Variants in SQOR observed in about 807,000 individuals in gnomAD.
The protein encoded by SQOR is sulfide quinone oxidoreductase.
Under a neutral mutation model 48.6 loss-of-function variants are expected in SQOR, and 39 were observed. The ratio of observed to expected loss-of-function variants is 0.80; its 90% confidence interval spans 0.62 to 1.05. The LOEUF is 1.05. SQOR is among the 50% of genes least tolerant of loss of function. The pLI is 0.00. For synonymous variants in SQOR, 220 were observed against 206.2 expected (o/e 1.07, Z -0.57); for missense variants, 561 against 559.9 (o/e 1.00, Z -0.02).
At chr15:45,677,147 T>C (rs1205692518) in intron 6 of SQOR, among the ~76,000 whole-genome samples, 1 of 152,196 alleles carries the variant, frequency 6.6e-6, no homozygotes, top group Non-Finnish European at 1.5e-5. Context: ...TGTAGAATTT[T>C]ACCATTTGCT....
intron 1 of SQOR, among the ~76,000 whole-genome samples, chr15:45,640,096 G>C (rs1895077619): frequency 6.6e-6 from 1 of 152,162 alleles, no homozygotes; most frequent in African/African-American, 2.4e-5. Context: ...CAAATGATTT[G>C]GGGACTTGCG....
chr15:45,662,696 C>A (rs1375103133), intron 3 of SQOR, among the ~76,000 whole-genome samples: 2 of 152,190 alleles, frequency 1.3e-5, no homozygotes, highest in African/African-American at 4.8e-5. Flanking sequence ...GGGGTCAAAG[C>A]TTTTCAGCAG....
intron 4 of SQOR, among the ~76,000 whole-genome samples, 158 bp downstream of exon 4, chr15:45,670,139 A>G (rs1352786763): frequency 6.6e-6 from 1 of 152,240 alleles, no homozygotes; most frequent in Non-Finnish European, 1.5e-5. Flanking sequence ...GTTTTAAGGA[A>G]GTCTTCTCTA....
intron 3 of SQOR, among the ~76,000 whole-genome samples, chr15:45,669,576 C>T (rs1404640047): frequency 6.6e-6 from 1 of 152,192 alleles, no homozygotes. Flanking sequence ...TGTGGCCTCT[C>T]ACTGTGTAAA....
At chr15:45,662,636 G>A (rs1489604792) in intron 3 of SQOR, among the ~76,000 whole-genome samples, 3 of 152,190 alleles carry the variant, frequency 2.0e-5, no homozygotes, top group African/African-American at 7.2e-5. Flanking sequence ...TGGAGCTTGA[G>A]GCTCACAACT....
At chr15:45,642,213 T>C (rs188856645) in intron 1 of SQOR, among the ~76,000 whole-genome samples, 1 of 152,300 alleles carries the variant, frequency 6.6e-6, no homozygotes, top group Non-Finnish European at 1.5e-5. Context: ...CCATTAGCAG[T>C]AACCACAGGC....
At chr15:45,669,655 G>T (rs1889903140) in intron 3 of SQOR, among the ~76,000 whole-genome samples, 1 of 152,192 alleles carries the variant, frequency 6.6e-6, no homozygotes, top group South Asian at 2.1e-4. Context: ...TGAGGTGTGA[G>T]GCATAGACGG....
chr15:45,688,656 C>A (rs1890266390), intron 8 of SQOR, among the ~76,000 whole-genome samples: 1 of 152,110 alleles, frequency 6.6e-6, no homozygotes, highest in African/African-American at 2.4e-5. Flanking sequence ...GAATTACAGG[C>A]ATGTGCCACC....
Position 45,682,628 on chromosome 15 carries a change from A to C in SQOR, c.1015A>C (p.Asn339His). Reference protein sequence around the residue: ...PNVFGIGDCTNLPTSKTAAAV... With the variant: ...PNVFGIGDCTHLPTSKTAAAV... ...TGTGTTTGGGATTGGGGACTGCACC[A>C]ACCTTCCTACGTCAAAGACCGCTGC... Residue 339 changes from asparagine (N) to histidine (H), a missense_variant, in exon 7 of 10, where the codon AAC becomes CAC. Physicochemically the swap from Asn to His is moderately conservative, Grantham distance 68. Transcript: ENST00000260324. The C allele has an allele frequency of 6.2e-7, 1 of 1,614,140 alleles. No homozygotes were observed. The highest frequency in any genetic ancestry group is 8.5e-7 in the Non-Finnish European group (1 of 1,179,988).
chr15:45,674,989 T>C (rs1890011414), intron 5 of SQOR, among the ~76,000 whole-genome samples: 1 of 152,190 alleles, frequency 6.6e-6, no homozygotes, highest in African/African-American at 2.4e-5. Flanking sequence ...CTGAGCTCTG[T>C]AAACTGCAAC....
At chr15:45,645,755 T>C (rs971190271) in intron 1 of SQOR, 1 of 152,234 alleles carries the variant, frequency 6.6e-6, no homozygotes, top group African/African-American at 2.4e-5. Flanking sequence ...TCTATAATCT[T>C]GTGAGCCAGT....
At chr15:45,644,434 G>A (rs55913172) in intron 1 of SQOR, among the ~76,000 whole-genome samples, 1 of 152,076 alleles carries the variant, frequency 6.6e-6, no homozygotes, top group South Asian at 2.1e-4. Flanking sequence ...AGAAGAAGCC[G>A]AGCAAAAATG....
chr15:45,648,837 T>G (rs950079302), intron 1 of SQOR, among the ~76,000 whole-genome samples: 1 of 152,230 alleles, frequency 6.6e-6, no homozygotes, highest in Non-Finnish European at 1.5e-5. Context: ...GTTTTCCTCT[T>G]TGATTTTGGA....
intron 1 of SQOR, among the ~76,000 whole-genome samples, chr15:45,636,409 T>C (rs1479770029): frequency 6.0e-5 from 9 of 149,168 alleles, no homozygotes; most frequent in Non-Finnish European, 1.2e-4. Flanking sequence ...CTTTCTTCTT[T>C]TTTTTTTTTT....
chr15:45,640,464 G>T (rs1266545672), intron 1 of SQOR, among the ~76,000 whole-genome samples: 1 of 152,250 alleles, frequency 6.6e-6, no homozygotes, highest in South Asian at 2.1e-4. Flanking sequence ...CACCAGGAAC[G>T]GGTCATTGTC....
At chr15:45,675,480 C>T (rs1432580730) in intron 5 of SQOR, among the ~76,000 whole-genome samples, 2 of 151,948 alleles carry the variant, frequency 1.3e-5, no homozygotes, top group African/African-American at 2.4e-5. Flanking sequence ...CTGCAAACTC[C>T]GCTTCCTGGG....
upstream of SQOR, among the ~76,000 whole-genome samples, chr15:45,633,629 C>T (rs895123094): frequency 7.0e-6 from 1 of 142,334 alleles, no homozygotes; most frequent in Non-Finnish European, 1.5e-5. Flanking sequence ...GGGAGGTGGA[C>T]GTTGTAGTGA....
rs554560735 is a variant in SQOR at position 45,655,075 on chromosome 15, C to T, written c.-17-3832C>T. ...GATTTTACAGGCTGCTTTTGTTAGA[C>T]AGGAAAATGATTTGGGGCTGCTTTT... is the stretch of plus-strand genomic sequence containing the variant. On this transcript the variant is annotated intron_variant, in intron 1 of 9. Transcript: ENST00000260324. 7.9e-5 allele frequency among the ~76,000 whole-genome samples: 12 copies of T among 152,308 alleles called. No individual in the cohort carries two copies. In the East Asian group the frequency reaches 2.1e-3, roughly 27 times the overall value.
At chr15:45,683,577 G>A (rs773989704) in intron 7 of SQOR, among the ~76,000 whole-genome samples, 2 of 152,168 alleles carry the variant, frequency 1.3e-5, no homozygotes, top group African/African-American at 2.4e-5. Flanking sequence ...GTATGGTCAT[G>A]TTTTGTGTGA....
Sources: allele counts gnomAD v4.1 joint callset (sites outside exome capture counted in the v4.1 genomes callset), GRCh38; gene constraint gnomAD v4.1.1; transcripts MANE v1.5; gene names NCBI Gene and HGNC (gene_info 2026-07-23, HGNC 2026-07-21).